LATS2: variants seen among roughly 807,000 people sequenced by gnomAD.
The protein encoded by LATS2 is large tumor suppressor kinase 2, also known as serine/threonine-protein kinase LATS2.
LATS2 carries 24 observed loss-of-function variants against 76.0 expected under a neutral mutation model. That is an observed-to-expected ratio of 0.32 (90% confidence interval 0.23 to 0.44). The LOEUF is 0.44. Among genes scored for constraint, LATS2 ranks in the 20% least tolerant of loss-of-function variants. The probability of loss-of-function intolerance (pLI) is 1.00; values close to 1 mark genes in which losing one functional copy is unlikely to be tolerated. For missense variants in LATS2, 1,286 were observed against 1,481.2 expected (o/e 0.87, Z 2.16); for synonymous variants, 692 against 635.4 (o/e 1.09, Z -1.34).
intron 2 of LATS2, among the ~76,000 whole-genome samples, chr13:21,037,982 G>C (rs1368620597): frequency 1.3e-5 from 2 of 152,188 alleles, no homozygotes; most frequent in Non-Finnish European, 2.9e-5. Flanking sequence ...GGCTAGACAC[G>C]GTGGCCCACG....
rs556222834 is a variant in LATS2, at chr13:21,018,723, G to A, written c.342+26962C>T. Among the ~76,000 whole-genome samples, 167 of 151,940 alleles carry A rather than the reference G, an allele frequency of 1.1e-3. 1 individual carries two copies. Among genetic ancestry groups the A allele is most frequent in the Middle Eastern group, 0.01 (3 of 294 alleles). On this transcript the variant is annotated intron_variant, in intron 2 of 7. Transcript: ENST00000382592. ...GTCTGGAGTGCAGTGGCTCGATCAC[G>A]GCTGACTGCAGCCTCCACCTCCTGG...
chr13:21,060,828 G>T (rs1473599118), intron 1 of LATS2, among the ~76,000 whole-genome samples: 1 of 151,464 alleles, frequency 6.6e-6, no homozygotes, highest in Non-Finnish European at 1.5e-5. Context: ...GATGGCCCCG[G>T]ATCCGTGGGA....
intron 2 of LATS2, among the ~76,000 whole-genome samples, chr13:21,007,683 G>GTGTA (rs1555225497): frequency 0.13 from 47 of 354 alleles, 15 homozygotes; most frequent in Admixed American, 0.17. Flanking sequence ...TATATATATA[G>GTGTA]TATATATATA....
chr13:21,043,436 T>C (rs1330325983), intron 2 of LATS2, among the ~76,000 whole-genome samples: 1 of 152,208 alleles, frequency 6.6e-6, no homozygotes. Flanking sequence ...TCTTATTATT[T>C]GGGTTCACAT....
chr13:21,045,078 T>C (rs554954951), intron 2 of LATS2, among the ~76,000 whole-genome samples: 14 of 141,804 alleles, frequency 9.9e-5, no homozygotes, highest in African/African-American at 2.0e-4. Flanking sequence ...TAATGTATCC[T>C]TTAATCCTAA....
At position 20,987,636 on chromosome 13, in the gene LATS2, A is replaced by G. The variant is rs978254300; in HGVS notation, c.1899+245T>C. Among the ~76,000 whole-genome samples the G allele has an allele frequency of 3.9e-5, 6 of 152,206 alleles. No homozygotes were observed. In the South Asian group the frequency reaches 1.2e-3, roughly 32 times the overall value. On this transcript the variant is annotated intron_variant, in intron 4 of 7. Coordinates refer to ENST00000382592, the MANE Select transcript of LATS2 (RefSeq NM_014572.3). ...ACAATGTAAATTGTAGATTACCTACATTACGCTGGCTACATTATGCACAGC... is the reference window on the plus strand; with the variant it reads ...ACAATGTAAATTGTAGATTACCTACGTTACGCTGGCTACATTATGCACAGC...
chr13:21,032,305 AC>A (rs1046619226), intron 2 of LATS2, among the ~76,000 whole-genome samples: 72 of 152,164 alleles, frequency 4.7e-4, no homozygotes, highest in African/African-American at 1.6e-3. Context: ...TCGCTCTGTC[AC>A]CCAGGCTGGA....
At chr13:21,025,393 C>CAA (rs1171981071) in intron 2 of LATS2, among the ~76,000 whole-genome samples, 41 of 49,700 alleles carry the variant, frequency 8.2e-4, no homozygotes, top group Non-Finnish European at 7.3e-4. Context: ...ACTCCGTCTC[C>CAA]AAAAAAAAAA....
rs760026476 is a variant in LATS2 at position 20,975,345 on chromosome 13, G to A, written c.2792C>T (p.Thr931Met). Residue 931 changes from threonine to methionine, a missense_variant, in exon 8 of 8, where the codon ACG becomes ATG. Physicochemically the swap from Thr to Met is moderately conservative, Grantham distance 81. Coordinates refer to ENST00000382592, the MANE Select transcript of LATS2 (RefSeq NM_014572.3). ...TQLKVINWEN[T>M]LHIPAQVKLS... The stretch of plus-strand genomic sequence containing the variant: ...CTTCACCTGGGCTGGAATGTGGAGC[G>A]TGTTCTCCCAGTTGATCACCTGAGG... The A allele has an allele frequency of 5.0e-5, 79 of 1,569,118 alleles. No individual in the cohort carries two copies. Among genetic ancestry groups the A allele is most frequent in the Non-Finnish European group, 6.2e-5 (72 of 1,158,514 alleles).
At chr13:20,992,946 A>C (rs1293358528) in intron 2 of LATS2, among the ~76,000 whole-genome samples, 2 of 149,254 alleles carry the variant, frequency 1.3e-5, no homozygotes, top group African/African-American at 5.0e-5. Flanking sequence ...GAGGCAGGTG[A>C]ATTGCTTGAA....
At chr13:21,017,047 A>G (rs1054835849) in intron 2 of LATS2, among the ~76,000 whole-genome samples, 2 of 152,192 alleles carry the variant, frequency 1.3e-5, no homozygotes, top group Non-Finnish European at 2.9e-5. Context: ...ACCGGAAACA[A>G]ATTCATCTTC....
intron 2 of LATS2, among the ~76,000 whole-genome samples, chr13:21,000,791 CA>C (rs1489126525): frequency 2.0e-5 from 3 of 152,010 alleles, no homozygotes; most frequent in Non-Finnish European, 4.4e-5. Flanking sequence ...TAAGCAAAAA[CA>C]AAACAGGCAA....
chr13:21,050,354 A>G (rs1374849125), intron 1 of LATS2, among the ~76,000 whole-genome samples: 2 of 149,362 alleles, frequency 1.3e-5, no homozygotes, highest in South Asian at 4.4e-4. Flanking sequence ...TCATTATCAC[A>G]ACCCCAGAAG....
chr13:20,973,161 C>T lies in LATS2; in HGVS notation c.*1709G>A, dbSNP rs989113844. The T allele has an allele frequency of 6.9e-5, 16 of 232,244 alleles. No homozygotes were observed. Among genetic ancestry groups the T allele is most frequent in the South Asian group, 3.6e-4 (2 of 5,516 alleles). 14.4% of individuals were successfully genotyped at this position (232,244 alleles called of 1,614,324 possible). A position where few individuals can be genotyped will look rare whatever the true frequency, so the allele number is the denominator to read the frequency against. ...CCTACCACATGAAAGTATGTCAGAG[C>T]GCTGTGAGTAACAACATGGCACGAC... On this transcript the variant is annotated 3_prime_UTR_variant, in exon 8 of 8. Coordinates refer to ENST00000382592, the MANE Select transcript of LATS2 (RefSeq NM_014572.3).
intron 6 of LATS2, among the ~76,000 whole-genome samples, chr13:20,980,163 T>A (rs963425587): frequency 2.0e-5 from 3 of 152,150 alleles, no homozygotes; most frequent in African/African-American, 7.2e-5. Context: ...CTATAACCTG[T>A]GAATAGTCAG....
rs769988987 is a variant in LATS2, at chr13:20,975,226, G to A, written c.2911C>T (p.Pro971Ser). The change falls in exon 8 of 8, where the codon CCC (proline) becomes TCC (serine). Residue 971 changes from proline to serine, a missense_variant. Physicochemically the swap from Pro to Ser is moderately conservative, Grantham distance 74. Transcript: ENST00000382592. ...RNGADDLKAH[P>S]FFSAIDFSSD... ...GAGAAGTCAATGGCGCTGAAGAAGG[G>A]GTGGGCCTTCAGGTCATCGGCCCCA... The A allele has an allele frequency of 6.4e-5, 104 of 1,614,088 alleles. No individual in the cohort carries two copies. The highest frequency in any genetic ancestry group is 8.6e-5 in the Non-Finnish European group (101 of 1,180,042).
At position 20,988,568 on chromosome 13, in the gene LATS2, G is replaced by A; in HGVS notation, c.1212C>T (p.Ser404=). ...VAFRPDCPVP[S]RTNSFNSHQP... ...GGTGGCTGTTGAAGGAGTTGGTCCT[G>A]CTGGGCACTGGGCAGTCAGGCCGGA... The change falls in exon 4 of 8, where the codon AGC becomes AGT. Residue 404 remains serine (S), a synonymous_variant. Coordinates refer to ENST00000382592, the MANE Select transcript of LATS2 (RefSeq NM_014572.3). 1 of 1,586,122 alleles carries A rather than the reference G, an allele frequency of 6.3e-7. No individual in the cohort carries two copies. The highest frequency in any genetic ancestry group is 1.1e-5 in the South Asian group (1 of 89,466).
chr13:21,019,785 C>A (rs1871975422), intron 2 of LATS2, among the ~76,000 whole-genome samples: 1 of 150,294 alleles, frequency 6.7e-6, no homozygotes, highest in Admixed American at 6.6e-5. Context: ...ACCAGCCTGG[C>A]CAACATGGCA....
At chr13:20,996,943 C>T (rs1374025669) in intron 2 of LATS2, among the ~76,000 whole-genome samples, 2 of 152,182 alleles carry the variant, frequency 1.3e-5, no homozygotes, top group South Asian at 2.1e-4. Flanking sequence ...GGGCTAAATA[C>T]TATGGCACAA....
Sources: allele counts gnomAD v4.1 joint callset (sites outside exome capture counted in the v4.1 genomes callset), GRCh38; gene constraint gnomAD v4.1.1; transcripts MANE v1.5; gene names NCBI Gene and HGNC (gene_info 2026-07-23, HGNC 2026-07-21).